Variants in HS3ST2 observed in about 807,000 individuals in gnomAD.
HS3ST2 encodes heparan sulfate-glucosamine 3-sulfotransferase 2.
Under a neutral mutation model 26.3 loss-of-function variants are expected in HS3ST2, and 17 were observed. That is an observed-to-expected ratio of 0.65 (90% CI 0.44 to 0.97). The LOEUF (loss-of-function observed/expected upper bound fraction) is 0.97. HS3ST2 is among the 50% of genes least tolerant of loss of function. HS3ST2 has a pLI of 0.00. For synonymous variants in HS3ST2, 237 were observed against 219.2 expected, an observed-to-expected ratio of 1.08 and a Z score of -0.72; for missense variants, 402 against 501.2, an observed-to-expected ratio of 0.80 and a Z score of 1.89.
chr16:22,881,629 C>G (rs901200721), intron 1 of HS3ST2, among the ~76,000 whole-genome samples: 1 of 152,192 alleles, frequency 6.6e-6, no homozygotes, highest in East Asian at 1.9e-4. Flanking sequence ...ACTCTCACGA[C>G]AGAATCCTAA....
At chr16:22,845,354 ATT>A (rs5816193) in intron 1 of HS3ST2, among the ~76,000 whole-genome samples, 2 of 129,598 alleles carry the variant, frequency 1.5e-5, no homozygotes, top group Non-Finnish European at 1.6e-5. Flanking sequence ...TTTATTTGTG[ATT>A]TTTTTTTTTT....
At chr16:22,819,352 C>T (rs932857624) in intron 1 of HS3ST2, among the ~76,000 whole-genome samples, 1 of 151,928 alleles carries the variant, frequency 6.6e-6, no homozygotes, top group African/African-American at 2.4e-5. Flanking sequence ...AATGTTTTTC[C>T]AAATCTAAGG....
intron 1 of HS3ST2, among the ~76,000 whole-genome samples, chr16:22,897,983 C>T (rs1021234007): frequency 5.3e-5 from 8 of 152,314 alleles, no homozygotes; most frequent in African/African-American, 1.7e-4. Flanking sequence ...GCCACAAAGA[C>T]GATAAGTAAA....
chr16:22,885,545 T>C (rs1379560246), intron 1 of HS3ST2, among the ~76,000 whole-genome samples: 1 of 151,304 alleles, frequency 6.6e-6, no homozygotes, highest in Non-Finnish European at 1.5e-5. Flanking sequence ...AACCTCCGCC[T>C]CCTGGGTTCA....
At chr16:22,881,821 T>C (rs987842441) in intron 1 of HS3ST2, among the ~76,000 whole-genome samples, 1 of 152,150 alleles carries the variant, frequency 6.6e-6, no homozygotes, top group African/African-American at 2.4e-5. Context: ...TTTTCTCAGG[T>C]GCCTGGAATC....
intron 1 of HS3ST2, among the ~76,000 whole-genome samples, chr16:22,890,025 A>G (rs892738260): frequency 2.0e-5 from 3 of 152,228 alleles, no homozygotes; most frequent in African/African-American, 7.2e-5. Flanking sequence ...CTCTATTTCA[A>G]GATTCTTGGC....
rs775883574 is a variant in HS3ST2 at position 22,816,356 on chromosome 16, T to C, written c.485+1261T>C. On this transcript the variant is annotated intron_variant, in intron 1 of 1. Coordinates refer to ENST00000261374, the MANE Select transcript of HS3ST2 (RefSeq NM_006043.2). ...ATATGCATATTGGACAAGGGACAAC[T>C]TTGTTAGAAAGAGGACCCCACTGGG... Among the ~76,000 whole-genome samples, 24 of 152,184 alleles carry C rather than the reference T, an allele frequency of 1.6e-4. 1 individual carries two copies. The highest frequency in any genetic ancestry group is 3.1e-4 in the Non-Finnish European group (21 of 68,032).
At chr16:22,828,456 G>A (rs1055598016) in intron 1 of HS3ST2, among the ~76,000 whole-genome samples, 1 of 152,144 alleles carries the variant, frequency 6.6e-6, no homozygotes, top group African/African-American at 2.4e-5. Flanking sequence ...AAGCAGAATT[G>A]AACATGATAA....
intron 1 of HS3ST2, among the ~76,000 whole-genome samples, chr16:22,827,155 G>A (rs1042477513): frequency 6.6e-6 from 1 of 152,158 alleles, no homozygotes; most frequent in African/African-American, 2.4e-5. Flanking sequence ...AGCAGAAGCA[G>A]CACACGTGCA....
chr16:22,828,151 A>G (rs1873227564), intron 1 of HS3ST2, among the ~76,000 whole-genome samples: 1 of 152,220 alleles, frequency 6.6e-6, no homozygotes, highest in Non-Finnish European at 1.5e-5. Flanking sequence ...ACCAAAGAAA[A>G]GAACATTACG....
At chr16:22,842,605 A>G (rs1188151162) in intron 1 of HS3ST2, among the ~76,000 whole-genome samples, 9 of 152,070 alleles carry the variant, frequency 5.9e-5, no homozygotes, top group South Asian at 4.1e-4. Context: ...TGCTTCCACA[A>G]TCTGAGGATT....
At chr16:22,869,128 G>A (rs756253424) in intron 1 of HS3ST2, among the ~76,000 whole-genome samples, 1 of 151,952 alleles carries the variant, frequency 6.6e-6, no homozygotes, top group Non-Finnish European at 1.5e-5. Flanking sequence ...CGGAAGCCTA[G>A]TGAAAAGGGG....
chr16:22,825,021 C>T (rs1277020148), intron 1 of HS3ST2, among the ~76,000 whole-genome samples: 3 of 152,064 alleles, frequency 2.0e-5, no homozygotes, highest in African/African-American at 4.8e-5. Flanking sequence ...GAGAGAAGCC[C>T]GGATTCCAAG....
chr16:22,858,219 C>T (rs556396717), intron 1 of HS3ST2, among the ~76,000 whole-genome samples: 1 of 151,610 alleles, frequency 6.6e-6, no homozygotes, highest in East Asian at 1.9e-4. Context: ...AACCCAAAGG[C>T]TAAGTGCTTG....
chr16:22,880,920 G>A (rs557463697), intron 1 of HS3ST2, among the ~76,000 whole-genome samples: 4 of 152,350 alleles, frequency 2.6e-5, no homozygotes, highest in East Asian at 3.9e-4. Context: ...CAGCAGAGTC[G>A]AGTGATGGAT....
rs917830103 is a variant in HS3ST2 at position 22,915,790 on chromosome 16, G to A, written c.*228G>A. 8.8e-5 allele frequency: 48 copies of A among 546,818 alleles called. No individual in the cohort carries two copies. The highest frequency in any genetic ancestry group is 1.5e-4 in the East Asian group (5 of 32,818). 33.9% of individuals were successfully genotyped at this position (546,818 alleles called of 1,614,324 possible). A position where few individuals can be genotyped will look rare whatever the true frequency, so the allele number is the denominator to read the frequency against. On this transcript the variant is annotated 3_prime_UTR_variant, in exon 2 of 2. Coordinates refer to ENST00000261374, the MANE Select transcript of HS3ST2 (RefSeq NM_006043.2). ...AGCAAAGTTGATCTGCTCCTGGCAC[G>A]TCCAGTAAATTCCAGAATCATTCTC... is the stretch of plus-strand genomic sequence containing the variant.
chr16:22,896,656 T>C (rs1902214668), intron 1 of HS3ST2, among the ~76,000 whole-genome samples: 1 of 152,262 alleles, frequency 6.6e-6, no homozygotes, highest in African/African-American at 2.4e-5. Context: ...TCTTTACTGC[T>C]GTCAGCGTAG....
At chr16:22,879,617 T>C (rs1206366192) in intron 1 of HS3ST2, among the ~76,000 whole-genome samples, 1 of 152,032 alleles carries the variant, frequency 6.6e-6, no homozygotes, top group African/African-American at 2.4e-5. Context: ...GTCTGAGGTG[T>C]GGCAAGGGAA....
intron 1 of HS3ST2, among the ~76,000 whole-genome samples, chr16:22,842,297 A>T (rs976258631): frequency 1.3e-5 from 2 of 151,988 alleles, no homozygotes; most frequent in South Asian, 4.2e-4. Context: ...TCCTGACCTC[A>T]GGTAATTCAC....
Sources: gnomAD v4.1 joint callset for allele counts (sites outside exome capture counted in the v4.1 genomes callset) on GRCh38, gnomAD v4.1.1 for gene constraint, MANE v1.5 for transcripts, NCBI Gene and HGNC (gene_info 2026-07-23, HGNC 2026-07-21) for gene names.